Variants in KCNJ6 observed in about 807,000 individuals in gnomAD.
KCNJ6 encodes G protein-activated inward rectifier potassium channel 2.
A neutral mutation model predicts 34.2 loss-of-function variants in KCNJ6; 9 were observed. That is an observed-to-expected ratio of 0.26 (90% CI 0.16 to 0.46). KCNJ6 has a LOEUF of 0.46. Ranked by LOEUF, KCNJ6 falls within the 20% of genes least tolerant of loss-of-function variation. KCNJ6 has a pLI of 1.00. For missense variants in KCNJ6, 236 were observed against 531.3 expected, an observed-to-expected ratio of 0.44 and a Z score of 5.46; for synonymous variants, 196 against 207.1, an observed-to-expected ratio of 0.95 and a Z score of 0.46.
chr21:37,711,799 C>A (rs1203038734), intron 3 of KCNJ6, among the ~76,000 whole-genome samples: 3 of 134,886 alleles, frequency 2.2e-5, no homozygotes, highest in Admixed American at 7.1e-5. Context: ...TTTCTAGAAC[C>A]CCCCCCCCAA....
intron 2 of KCNJ6, among the ~76,000 whole-genome samples, chr21:37,804,406 CTTT>C (rs1254007276): frequency 6.6e-6 from 1 of 152,156 alleles, no homozygotes; most frequent in African/African-American, 2.4e-5. Context: ...CACTACTATT[CTTT>C]TTTAATTTTT....
chr21:37,629,576 G>C (rs754593726), intron 3 of KCNJ6, among the ~76,000 whole-genome samples: 15 of 152,326 alleles, frequency 9.8e-5, no homozygotes, highest in South Asian at 2.1e-4. Context: ...GACACACACA[G>C]AGGAAAGATT....
chr21:37,707,971 T>A (rs2054730193), intron 3 of KCNJ6, among the ~76,000 whole-genome samples: 1 of 152,112 alleles, frequency 6.6e-6, no homozygotes, highest in Non-Finnish European at 1.5e-5. Context: ...AGAGTTTGGG[T>A]CTGAGCTAAA....
At position 37,785,333 on chromosome 21, in the gene KCNJ6, A is replaced by C. The variant is rs1439741088; in HGVS notation, c.25+55325T>G. On this transcript the variant is annotated intron_variant, in intron 2 of 3. Coordinates refer to ENST00000609713, the MANE Select transcript of KCNJ6 (RefSeq NM_002240.5). The stretch of plus-strand genomic sequence containing the variant: ...AGATGTTCAAAACTCATTTAAAAGA[A>C]GATTTTAGACAAGCACTGCTTAAGC... Among the ~76,000 whole-genome samples, 3 of 152,228 alleles carry C rather than the reference A, an allele frequency of 2.0e-5. No homozygotes were observed. The East Asian group carries it at 5.8e-4, about 29-fold the overall frequency.
chr21:37,830,248 T>C (rs946025326), intron 2 of KCNJ6, among the ~76,000 whole-genome samples: 1 of 152,170 alleles, frequency 6.6e-6, no homozygotes, highest in African/African-American at 2.4e-5. Context: ...AGGTTGATCA[T>C]CCCAGTGTTA....
intron 1 of KCNJ6, among the ~76,000 whole-genome samples, chr21:37,843,706 T>C (rs2055492092): frequency 6.6e-6 from 1 of 152,222 alleles, no homozygotes; most frequent in Non-Finnish European, 1.5e-5. Context: ...TCAAGTCCAA[T>C]GCCATAGTGA....
chr21:37,686,472 TTTTTTTTTTTTTG>T (rs2054615801), intron 3 of KCNJ6, among the ~76,000 whole-genome samples: 1 of 105,746 alleles, frequency 9.5e-6, no homozygotes, highest in Non-Finnish European at 2.1e-5. Context: ...TTTTTTTTTT[TTTTTTTTTTTTTG>T]GAGATGGAGT....
rs59026391 is a variant in KCNJ6 at position 37,661,614 on chromosome 21, G to GTTTTTTTTTT, written c.947-36140_947-36131dup. ...TCCACCCATTTCCTTAAGAGACATA[G>GTTTTTTTTTT]TTTTTTTTTTTTTTTTTTTTTTTTT... On this transcript the variant is annotated intron_variant, in intron 3 of 3. Transcript: ENST00000609713. Among the ~76,000 whole-genome samples, 403 of 71,180 alleles carry GTTTTTTTTTT rather than the reference G, an allele frequency of 5.7e-3. 96 individuals carry two copies. The highest frequency in any genetic ancestry group is 8.0e-3 in the African/African-American group (150 of 18,698). The allele number at this position is 71,180 out of a possible 152,430, so 46.7% of individuals were successfully genotyped here. A position where few individuals can be genotyped will look rare whatever the true frequency, so the allele number is the denominator to read the frequency against.
chr21:37,850,138 C>T (rs562362176), intron 1 of KCNJ6, among the ~76,000 whole-genome samples: 3 of 152,270 alleles, frequency 2.0e-5, no homozygotes, highest in African/African-American at 7.2e-5. Flanking sequence ...AAAGAAATCC[C>T]TGATTCCTTT....
intron 1 of KCNJ6, among the ~76,000 whole-genome samples, chr21:37,914,830 G>A (rs1465377382): frequency 6.6e-6 from 1 of 152,054 alleles, no homozygotes; most frequent in East Asian, 1.9e-4. Context: ...AGGGCTCCCC[G>A]GGACCGACAG....
intron 2 of KCNJ6, chr21:37,719,495 A>G (rs1195929122): frequency 6.6e-6 from 1 of 152,186 alleles, no homozygotes; most frequent in Non-Finnish European, 1.5e-5. Flanking sequence ...ACCACCAAGG[A>G]TAATGTAGAG....
chr21:37,862,553 C>T (rs556419250), intron 1 of KCNJ6, among the ~76,000 whole-genome samples: 1 of 152,348 alleles, frequency 6.6e-6, no homozygotes, highest in East Asian at 1.9e-4. Flanking sequence ...GACACAGCAT[C>T]TGTCAACTTG....
intron 1 of KCNJ6, among the ~76,000 whole-genome samples, chr21:37,860,200 A>C (rs1253963299): frequency 6.6e-6 from 1 of 152,034 alleles, no homozygotes; most frequent in Non-Finnish European, 1.5e-5. Flanking sequence ...CCTATTTTAC[A>C]CCCAGGTAAT....
chr21:37,648,859 C>T (rs912823270), intron 3 of KCNJ6, among the ~76,000 whole-genome samples: 10 of 152,072 alleles, frequency 6.6e-5, no homozygotes, highest in East Asian at 1.9e-4. Context: ...AGGCCAGGCG[C>T]GGTGGCTCAT....
At chr21:37,913,523 G>C (rs1348440186) in intron 1 of KCNJ6, among the ~76,000 whole-genome samples, 1 of 152,180 alleles carries the variant, frequency 6.6e-6, no homozygotes, top group South Asian at 2.1e-4. Context: ...AGGACCCTTA[G>C]AAAGAATTTG....
chr21:37,756,853 T>C, intron 2 of KCNJ6, among the ~76,000 whole-genome samples: 1 of 146,594 alleles, frequency 6.8e-6, no homozygotes, highest in Non-Finnish European at 1.5e-5. Flanking sequence ...GAGTGAGCAC[T>C]CTCTCACAGT....
rs150657805 is a variant in KCNJ6, at chr21:37,794,913, GA to G, written c.25+45744del. ...ATAAAAAAGAAAAAAAATAGAAAAA[GA>G]AAAAAAAAATTAAGGCAGTGGGCAT... On this transcript the variant is annotated intron_variant, in intron 2 of 3. Coordinates refer to ENST00000609713, the MANE Select transcript of KCNJ6 (RefSeq NM_002240.5). Among the ~76,000 whole-genome samples, 18 of 149,502 alleles carry G rather than the reference GA, an allele frequency of 1.2e-4. No homozygotes were observed. In the East Asian group the frequency reaches 1.8e-3, roughly 15 times the overall value.
chr21:37,691,642 C>T (rs563186474), intron 3 of KCNJ6, among the ~76,000 whole-genome samples: 4 of 152,180 alleles, frequency 2.6e-5, no homozygotes, highest in East Asian at 1.9e-4. Context: ...TCAGTGATTA[C>T]GGTCTCTGTT....
chr21:37,692,394 G>A (rs977081009), intron 3 of KCNJ6, among the ~76,000 whole-genome samples: 14 of 152,136 alleles, frequency 9.2e-5, no homozygotes, highest in African/African-American at 3.4e-4. Flanking sequence ...TAAAGTGTGT[G>A]GATTTAAAGT....
Sources: gnomAD v4.1 joint callset for allele counts (sites outside exome capture counted in the v4.1 genomes callset) on GRCh38, gnomAD v4.1.1 for gene constraint, MANE v1.5 for transcripts, NCBI Gene and HGNC (gene_info 2026-07-23, HGNC 2026-07-21) for gene names.